Variants in SORCS1 observed in about 807,000 individuals in gnomAD.
The protein encoded by SORCS1 is sortilin related VPS10 domain containing receptor 1, also known as VPS10 domain-containing receptor SorCS1.
SORCS1 carries 60 observed loss-of-function variants against 146.1 expected under a neutral mutation model. The observed-to-expected ratio is 0.41, with a 90% CI of 0.33 to 0.51. The LOEUF (loss-of-function observed/expected upper bound fraction) is 0.51, where lower values mean the gene tolerates loss of function less well. SORCS1 is among the 20% of genes least tolerant of loss of function. The pLI is 0.21. For synonymous variants in SORCS1, 637 were observed against 584.0 expected, an observed-to-expected ratio of 1.09 and a Z score of -1.31; for missense variants, 1,352 against 1,487.6, an observed-to-expected ratio of 0.91 and a Z score of 1.50.
At chr10:107,066,791 ATATAAATGGAAGGAAAG>A (rs1208762463) in intron 1 of SORCS1, among the ~76,000 whole-genome samples, 1 of 152,238 alleles carries the variant, frequency 6.6e-6, no homozygotes, top group Non-Finnish European at 1.5e-5. Flanking sequence ...GTTCCCAACC[ATATAAATGGAAGGAAAG>A]GAGAATTGAC....
At chr10:107,034,153 G>A (rs1277683501) in intron 1 of SORCS1, among the ~76,000 whole-genome samples, 1 of 152,154 alleles carries the variant, frequency 6.6e-6, no homozygotes, top group East Asian at 1.9e-4. Flanking sequence ...ACATCTGGAA[G>A]CACCCTGGTT....
intron 2 of SORCS1, among the ~76,000 whole-genome samples, chr10:106,898,421 C>T (rs1415124100): frequency 6.6e-6 from 1 of 152,198 alleles, no homozygotes; most frequent in East Asian, 1.9e-4. Context: ...TTTACAGGTA[C>T]ATTAGGAACC....
intron 5 of SORCS1, among the ~76,000 whole-genome samples, chr10:106,741,410 C>A (rs140716127): frequency 1.1e-3 from 163 of 152,182 alleles, no homozygotes; most frequent in Non-Finnish European, 2.0e-3. Flanking sequence ...ACCAGCCTAG[C>A]CAACATGGTG....
intron 1 of SORCS1, among the ~76,000 whole-genome samples, chr10:107,086,392 A>G (rs1590103327): frequency 6.6e-6 from 1 of 152,250 alleles, no homozygotes; most frequent in East Asian, 1.9e-4. Context: ...AAGAGAAGTT[A>G]CTACATAACA....
chr10:106,956,476 A>G (rs1954948051), intron 2 of SORCS1, 37 bp downstream of exon 2: 2 of 1,600,604 alleles, frequency 1.2e-6, no homozygotes. Flanking sequence ...TCATGCTTAA[A>G]TAACACGGTA....
At chr10:107,010,998 C>T (rs952572555) in intron 1 of SORCS1, among the ~76,000 whole-genome samples, 7 of 152,168 alleles carry the variant, frequency 4.6e-5, no homozygotes, top group African/African-American at 1.4e-4. Context: ...GATTCTTCAA[C>T]ATGCTGTAAG....
chr10:106,595,066 A>G (rs1300696711), intron 24 of SORCS1, among the ~76,000 whole-genome samples: 2 of 152,160 alleles, frequency 1.3e-5, no homozygotes, highest in African/African-American at 2.4e-5. Flanking sequence ...TGACTCTGCC[A>G]TGTGCTACCC....
At chr10:106,684,046 G>T (rs572091505) in intron 10 of SORCS1, among the ~76,000 whole-genome samples, 1 of 152,144 alleles carries the variant, frequency 6.6e-6, no homozygotes, top group African/African-American at 2.4e-5. Context: ...GTAGCAAACT[G>T]CCAGATAGGC....
chr10:106,818,427 G>A (rs1037572375), intron 3 of SORCS1, among the ~76,000 whole-genome samples: 3 of 150,616 alleles, frequency 2.0e-5, no homozygotes, highest in Non-Finnish European at 2.9e-5. Flanking sequence ...GTGCAGTGGC[G>A]AGATCTTGGC....
intron 4 of SORCS1, among the ~76,000 whole-genome samples, chr10:106,764,772 C>T (rs1859425916): frequency 6.6e-6 from 1 of 151,978 alleles, no homozygotes; most frequent in Non-Finnish European, 1.5e-5. Flanking sequence ...GCCTGTAATC[C>T]CAGCACTTTG....
chr10:106,771,792 AG>A (rs1299480124), intron 4 of SORCS1, among the ~76,000 whole-genome samples: 1 of 152,174 alleles, frequency 6.6e-6, no homozygotes. Context: ...GGCTTTCCAA[AG>A]GCACATCCTC....
At chr10:106,730,236 G>T in intron 5 of SORCS1, 122 bp from the exon 6 acceptor site, 1 of 777,688 alleles carries the variant, frequency 1.3e-6, no homozygotes, top group South Asian at 1.6e-5. Context: ...ACAATCCTTA[G>T]AATATATCTA....
intron 1 of SORCS1, among the ~76,000 whole-genome samples, chr10:107,132,186 A>G (rs957167528): frequency 1.5e-4 from 23 of 151,326 alleles, no homozygotes; most frequent in Admixed American, 1.5e-3. Flanking sequence ...TTTCCCACCC[A>G]TCATCCTTAC....
chr10:106,893,805 C>T (rs535649888), intron 2 of SORCS1, among the ~76,000 whole-genome samples: 5 of 152,254 alleles, frequency 3.3e-5, no homozygotes, highest in Non-Finnish European at 5.9e-5. Flanking sequence ...TCATAGCCTT[C>T]AAAAATGGAT....
At chr10:106,938,000 G>GA (rs1564830670) in intron 2 of SORCS1, among the ~76,000 whole-genome samples, 1 of 149,902 alleles carries the variant, frequency 6.7e-6, no homozygotes, top group African/African-American at 2.5e-5. Flanking sequence ...AGAAAGAAAG[G>GA]AAGTGGTCTA....
intron 4 of SORCS1, among the ~76,000 whole-genome samples, chr10:106,770,651 C>T (rs754725402): frequency 7.2e-5 from 11 of 152,148 alleles, no homozygotes; most frequent in Non-Finnish European, 1.6e-4. Context: ...TTGTTACACA[C>T]ATAAAAATAA....
At chr10:106,822,438 C>G (rs569562582) in intron 3 of SORCS1, among the ~76,000 whole-genome samples, 4 of 152,296 alleles carry the variant, frequency 2.6e-5, no homozygotes, top group African/African-American at 9.6e-5. Context: ...GCTCCTGGCA[C>G]TCCAACCCTG....
intron 1 of SORCS1, among the ~76,000 whole-genome samples, chr10:107,014,321 G>A (rs1957810815): frequency 6.6e-6 from 1 of 151,694 alleles, no homozygotes; most frequent in Admixed American, 6.6e-5. Flanking sequence ...ACAAAATAGG[G>A]GAGAAGGAAG....
At chr10:106,709,476 T>C (rs1268411417) in intron 6 of SORCS1, 135 bp from the exon 7 acceptor site, 3 of 442,558 alleles carry the variant, frequency 6.8e-6, no homozygotes, top group Non-Finnish European at 1.2e-5. Context: ...TGAGATGGAG[T>C]CTCGCTCTGT....
Sources: gnomAD v4.1 joint callset for allele counts (sites outside exome capture counted in the v4.1 genomes callset) on GRCh38, gnomAD v4.1.1 for gene constraint, MANE v1.5 for transcripts, NCBI Gene and HGNC (gene_info 2026-07-23, HGNC 2026-07-21) for gene names.